USP36: variants seen among roughly 807,000 people sequenced by gnomAD.
USP36 encodes ubiquitin specific peptidase 36, also known as ubiquitin carboxyl-terminal hydrolase 36.
A neutral mutation model predicts 111.5 loss-of-function variants in USP36; 59 were observed. That is an observed-to-expected ratio of 0.53 (90% CI 0.43 to 0.66). The LOEUF (loss-of-function observed/expected upper bound fraction) is 0.66. Among genes scored for constraint, USP36 ranks in the 30% least tolerant of loss-of-function variants. The probability of loss-of-function intolerance (pLI) is 0.00; values close to 1 mark genes in which losing one functional copy is unlikely to be tolerated. For synonymous variants in USP36, 628 were observed against 581.0 expected, an observed-to-expected ratio of 1.08 and a Z score of -1.16; for missense variants, 1,488 against 1,468.0, an observed-to-expected ratio of 1.01 and a Z score of -0.22.
intron 2 of USP36, 126 bp from the exon 3 acceptor site, chr17:78,836,498 C>G: frequency 7.9e-7 from 1 of 1,269,540 alleles, no homozygotes; most frequent in Non-Finnish European, 1.1e-6. Context: ...GATCAGTGAT[C>G]CCCTGGATCA....
Position 78,798,067 on chromosome 17 carries a change from A to C in USP36, c.*21-188T>G, listed in dbSNP as rs1567904780. 1.1e-5 allele frequency: 3 copies of C among 276,498 alleles called. No individual in the cohort carries two copies. Among genetic ancestry groups the C allele is most frequent in the South Asian group, 1.6e-4 (2 of 12,862 alleles). 17.1% of individuals were successfully genotyped at this position (276,498 alleles called of 1,614,324 possible). A position where few individuals can be genotyped will look rare whatever the true frequency, so the allele number is the denominator to read the frequency against. On this transcript the variant is annotated intron_variant, in intron 20 of 20. Coordinates refer to ENST00000449938, the MANE Select transcript of USP36 (RefSeq NM_001385174.1). The surrounding 1 kb of genome is among the most constrained non-coding windows in gnomAD (Gnocchi z 5.1). ...TACACACAACCCACATCCCACACACACCCCACACATGCCCTTCTCCAAGTG... is the reference window on the plus strand; with the variant it reads ...TACACACAACCCACATCCCACACACCCCCCACACATGCCCTTCTCCAAGTG...
intron 15 of USP36, among the ~76,000 whole-genome samples, chr17:78,804,498 A>C (rs1233595300): frequency 6.0e-5 from 2 of 33,504 alleles, no homozygotes; most frequent in Non-Finnish European, 1.5e-4. Flanking sequence ...ACAAAAACAA[A>C]AAAAAAAAAA....
Position 78,796,875 on chromosome 17 carries a change from A to G in USP36, c.*1025T>C, listed in dbSNP as rs1295209135. On this transcript the variant is annotated 3_prime_UTR_variant, in exon 21 of 21. Coordinates refer to ENST00000449938, the MANE Select transcript of USP36 (RefSeq NM_001385174.1). ...GAGGGCATTTGTCTTTTTCCTGAAA[A>G]TATCACCTTCTCTGAGGATTTCCTG... 3 of 152,222 alleles carry G rather than the reference A, an allele frequency of 2.0e-5. No individual in the cohort carries two copies. Among genetic ancestry groups the G allele is most frequent in the African/African-American group, 7.2e-5 (3 of 41,452 alleles). 9.4% of individuals were successfully genotyped at this position (152,222 alleles called of 1,614,324 possible).
intron 17 of USP36, among the ~76,000 whole-genome samples, chr17:78,800,614 C>G (rs1257860674): frequency 6.6e-6 from 1 of 152,240 alleles, no homozygotes; most frequent in Non-Finnish European, 1.5e-5. Flanking sequence ...CCATCTCATC[C>G]ACACAGCCCA....
chr17:78,788,330 G>A (rs982722498), intron 3 of USP36, among the ~76,000 whole-genome samples: 11 of 151,810 alleles, frequency 7.2e-5, no homozygotes, highest in East Asian at 3.9e-4. Context: ...ACGCCCAGCT[G>A]ATTTTTGTAT....
rs185872387 is a variant in USP36 at position 78,812,206 on chromosome 17, G to T, written c.1407+654C>A. Among the ~76,000 whole-genome samples, 250 of 152,180 alleles carry T rather than the reference G, an allele frequency of 1.6e-3. 1 individual carries two copies. Among genetic ancestry groups the T allele is most frequent in the African/African-American group, 5.8e-3 (242 of 41,512 alleles). On this transcript the variant is annotated intron_variant, in intron 13 of 20. Transcript: ENST00000449938. ...TGTCTCCAAAAAAAAAAGTTTGCTT[G>T]GCATTATAAAGGAAATAAAAGGAGT...
chr17:78,834,600 T>G (rs959674323), intron 4 of USP36, among the ~76,000 whole-genome samples: 24 of 151,906 alleles, frequency 1.6e-4, no homozygotes, highest in Non-Finnish European at 4.4e-5. Flanking sequence ...GTGCACCCCA[T>G]CACGCCTAAT....
Position 78,803,323 on chromosome 17 carries a change from T to C in USP36, c.2810+62A>G, listed in dbSNP as rs2093803365. The stretch of plus-strand genomic sequence containing the variant: ...AGACCATACCTACTTGGGGGTAGAT[T>C]CTGTGGTTTTGCTTTGTTTCTCGTC... On this transcript the variant is annotated intron_variant, in intron 16 of 20. Transcript: ENST00000449938. This position sits in a 1 kb window ranked among gnomAD's most constrained non-coding sequence, Gnocchi z 4.6. 2.0e-6 allele frequency: 3 copies of C among 1,530,596 alleles called. No homozygotes were observed. In the Admixed American group the frequency reaches 5.5e-5, roughly 28 times the overall value. The allele number at this position is 1,530,596 out of a possible 1,614,324, so 94.8% of individuals were successfully genotyped here.
intron 6 of USP36, among the ~76,000 whole-genome samples, chr17:78,826,067 G>A (rs904716972): frequency 6.6e-6 from 1 of 152,166 alleles, no homozygotes; most frequent in Non-Finnish European, 1.5e-5. Context: ...GGGAACAGCA[G>A]TTCAATTACC....
intron 4 of USP36, among the ~76,000 whole-genome samples, chr17:78,830,436 TCTG>T (rs1224412416): frequency 6.6e-5 from 10 of 152,262 alleles, no homozygotes; most frequent in Admixed American, 6.5e-4. Context: ...TTCCATTTTC[TCTG>T]CTATCATAGA....
intron 10 of USP36, among the ~76,000 whole-genome samples, chr17:78,815,853 G>A (rs1193382109): frequency 6.7e-6 from 1 of 149,984 alleles, no homozygotes; most frequent in Non-Finnish European, 1.5e-5. Context: ...ACACACATAT[G>A]CATGCATACA....
chr17:78,837,337 G>C (rs1484077430), intron 2 of USP36, among the ~76,000 whole-genome samples: 1 of 152,028 alleles, frequency 6.6e-6, no homozygotes, highest in Non-Finnish European at 1.5e-5. Flanking sequence ...CAAAAGAGAA[G>C]AAGAAAAGCC....
At chr17:78,799,240 A>G (rs2093683461) in intron 18 of USP36, among the ~76,000 whole-genome samples, 2 of 152,170 alleles carry the variant, frequency 1.3e-5, no homozygotes, top group African/African-American at 4.8e-5. Flanking sequence ...GCTAAACCCT[A>G]AACCACAGCC....
In USP36 at chr17:78,798,459, A is replaced by C. The variant is rs1450956333; in HGVS notation, c.3333T>G (p.Thr1111=). The change falls in exon 20 of 21, where the codon ACT becomes ACG. Residue 1111 remains threonine, a synonymous_variant. Coordinates refer to ENST00000449938, the MANE Select transcript of USP36 (RefSeq NM_001385174.1). This position sits in a 1 kb window ranked among gnomAD's most constrained non-coding sequence, Gnocchi z 5.1. ...LQTRRNFWSV[T]HPAKAASLSY... ...TGAGGCTGGCAGCCTTTGCTGGGTGAGTCACAGACCAGAAGTTCCGTCGAG... is the reference window on the plus strand; with the variant it reads ...TGAGGCTGGCAGCCTTTGCTGGGTGCGTCACAGACCAGAAGTTCCGTCGAG... The C allele has an allele frequency of 6.2e-7, 1 of 1,614,186 alleles. No homozygotes were observed. Among genetic ancestry groups the C allele is most frequent in the Non-Finnish European group, 8.5e-7 (1 of 1,180,028 alleles).
Position 78,812,892 on chromosome 17 carries a change from T to C in USP36, c.1375A>G (p.Asn459Asp), listed in dbSNP as rs1212448371. The C allele has an allele frequency of 6.2e-7, 1 of 1,613,576 alleles. No individual in the cohort carries two copies. Among genetic ancestry groups the C allele is most frequent in the East Asian group, 2.2e-5 (1 of 44,846 alleles). The change falls in exon 13 of 21, where the codon AAT (asparagine) becomes GAT (aspartate). Residue 459 changes from asparagine to aspartate, a missense_variant. Transcript: ENST00000449938. ...GTCAGTGGGGAGGAAATAATCCCAT[T>C]GCCGATGTTCTTCTTGGAGTGATCT... ...IPDHSKKNIG[N>D]GIISSPLTGK...
At position 78,807,368 on chromosome 17, in the gene USP36, G is replaced by A. The variant is rs532327037; in HGVS notation, c.1676C>T (p.Ser559Leu). Reference protein sequence around the residue: ...TAQGLPGTSNSNSSRSGSQRQ... With the variant: ...TAQGLPGTSNLNSSRSGSQRQ... ...TTGGCTCCCAGATCTGCTGCTATTC[G>A]AGTTGCTGGTCCCAGGCAGCCCCTG... Residue 559 changes from serine (S) to leucine (L), a missense_variant, in exon 14 of 21, where the codon TCG (serine) becomes TTG (leucine). Around this residue, in one of 3 missense-constraint regions of USP36, gnomAD observed 1,073 missense variants for 994.1 expected, o/e 1.08. Transcript: ENST00000449938. 1.2e-5 allele frequency: 20 copies of A among 1,614,194 alleles called. No individual in the cohort carries two copies. In the East Asian group the frequency reaches 1.8e-4, roughly 14 times the overall value.
At chr17:78,810,743 A>G (rs2094028805) in intron 13 of USP36, among the ~76,000 whole-genome samples, 1 of 152,204 alleles carries the variant, frequency 6.6e-6, no homozygotes, top group Non-Finnish European at 1.5e-5. Flanking sequence ...AAACCCCTGC[A>G]GACTGTGAAA....
downstream of USP36, among the ~76,000 whole-genome samples, chr17:78,792,664 C>T (rs12942641): frequency 6.6e-6 from 1 of 152,128 alleles, no homozygotes; most frequent in Non-Finnish European, 1.5e-5. Context: ...GACCAGGGAC[C>T]AGGATGGCAA....
In USP36 at chr17:78,818,747, A is replaced by G. The variant is rs752900278; in HGVS notation, c.943T>C (p.Phe315Leu). Residue 315 changes from phenylalanine (F) to leucine (L), a missense_variant, in exon 10 of 21, where the codon TTC (phenylalanine) becomes CTC (leucine). Physicochemically the swap from Phe to Leu is conservative, Grantham distance 22 (BLOSUM62 0). This residue lies in a region of USP36 where 196 missense variants were observed against 264.4 expected (regional missense o/e 0.74). Transcript: ENST00000449938. ...ACGTTGGATGTTCTGTGGATGGTGA[A>G]GCGCTTGCTGGCTGGAACCTTCTTC... ...CKKKVPASKR[F>L]TIHRTSNVLT... 6 of 1,613,984 alleles carry G rather than the reference A, an allele frequency of 3.7e-6. No homozygotes were observed. In the Admixed American group the frequency reaches 8.3e-5, roughly 22 times the overall value.
Sources: gnomAD v4.1 joint callset for allele counts (sites outside exome capture counted in the v4.1 genomes callset) on GRCh38, gnomAD v4.1.1 for gene constraint, gnomAD v4.1.1 regional missense constraint, Gnocchi (gnomAD v3.1) non-coding constraint, MANE v1.5 for transcripts, NCBI Gene and HGNC (gene_info 2026-07-23, HGNC 2026-07-21) for gene names.